PAM: variants seen among roughly 807,000 people sequenced by gnomAD.
PAM encodes peptidyl-glycine alpha-amidating monooxygenase.
PAM carries 72 observed loss-of-function variants against 122.1 expected under a neutral mutation model. The observed-to-expected ratio is 0.59, with a 90% confidence interval of 0.49 to 0.72. The LOEUF (loss-of-function observed/expected upper bound fraction) is 0.72. PAM is among the 30% of genes least tolerant of loss of function. The probability of loss-of-function intolerance (pLI) is 0.00; values close to 1 mark genes in which losing one functional copy is unlikely to be tolerated. For synonymous variants in PAM, 389 were observed against 404.4 expected (o/e 0.96, Z 0.46); for missense variants, 1,106 against 1,183.7 (o/e 0.93, Z 0.96).
chr5:102,817,134 T>G (rs946786005), intron 1 of PAM, among the ~76,000 whole-genome samples: 3 of 152,180 alleles, frequency 2.0e-5, no homozygotes, highest in African/African-American at 7.2e-5. Flanking sequence ...CCTCATTTAC[T>G]GTGAACATGT....
At chr5:102,764,364 T>G (rs1753263962) in intron 1 of PAM, among the ~76,000 whole-genome samples, 1 of 151,984 alleles carries the variant, frequency 6.6e-6, no homozygotes, top group South Asian at 2.1e-4. Flanking sequence ...TGGAGAATGA[T>G]AGCAGAGGGT....
At chr5:102,889,961 G>A (rs889337381) in intron 3 of PAM, among the ~76,000 whole-genome samples, 1 of 151,874 alleles carries the variant, frequency 6.6e-6, no homozygotes, top group African/African-American at 2.4e-5. Context: ...AGTGAAAAGA[G>A]TATTTTTATA....
At chr5:102,967,021 A>C (rs916813052) in intron 14 of PAM, among the ~76,000 whole-genome samples, 2 of 152,176 alleles carry the variant, frequency 1.3e-5, no homozygotes, top group Non-Finnish European at 2.9e-5. Context: ...GTAATCTTAA[A>C]GCATTTTTTA....
chr5:102,977,895 T>C (rs574988069), intron 15 of PAM, among the ~76,000 whole-genome samples: 2 of 152,264 alleles, frequency 1.3e-5, no homozygotes, highest in Admixed American at 1.3e-4. Flanking sequence ...AGTTTTCTCA[T>C]CTATAAAATG....
chr5:102,902,638 TA>T (rs1474155300), intron 4 of PAM, among the ~76,000 whole-genome samples: 1 of 151,512 alleles, frequency 6.6e-6, no homozygotes, highest in African/African-American at 2.4e-5. Flanking sequence ...ATCCTAGCCA[TA>T]AAGCTTTCCT....
At chr5:102,833,044 G>A (rs1161748089) in intron 1 of PAM, among the ~76,000 whole-genome samples, 1 of 152,120 alleles carries the variant, frequency 6.6e-6, no homozygotes, top group Non-Finnish European at 1.5e-5. Flanking sequence ...TAAAAATTGA[G>A]TAATTTGCCT....
At chr5:102,780,227 C>G (rs76253273) in intron 1 of PAM, among the ~76,000 whole-genome samples, 4,232 of 152,024 alleles carry the variant, frequency 0.028, 112 homozygotes, top group East Asian at 0.14. Context: ...TCAGCACTAT[C>G]CACAGTTTTA....
At chr5:102,992,122 A>G (rs150410290) in intron 16 of PAM, among the ~76,000 whole-genome samples, 2,035 of 152,254 alleles carry the variant, frequency 0.013, 18 homozygotes, top group Middle Eastern at 0.02. Context: ...ACCTAAGAGC[A>G]TTTTCTGTGG....
chr5:102,783,246 A>G (rs1419543828), intron 1 of PAM, among the ~76,000 whole-genome samples: 1 of 147,850 alleles, frequency 6.8e-6, no homozygotes, highest in African/African-American at 2.5e-5. Flanking sequence ...AAAAAAAAAA[A>G]TAGAGATGCC....
intron 1 of PAM, among the ~76,000 whole-genome samples, chr5:102,798,290 G>A (rs1763869905): frequency 6.6e-6 from 1 of 152,196 alleles, no homozygotes; most frequent in South Asian, 2.1e-4. Flanking sequence ...TTCTCGTACT[G>A]TATATATTAG....
intron 1 of PAM, among the ~76,000 whole-genome samples, chr5:102,863,399 T>C (rs1186916744): frequency 6.6e-6 from 1 of 152,172 alleles, no homozygotes; most frequent in African/African-American, 2.4e-5. Context: ...TTCCACTGAA[T>C]ACTGCTTTTA....
Position 102,967,515 on chromosome 5 carries a change from A to G in PAM, c.1162+6286A>G, listed in dbSNP as rs143043574. Among the ~76,000 whole-genome samples the G allele has an allele frequency of 7.9e-3, 1,197 of 152,326 alleles. 22 individuals carry two copies. Among genetic ancestry groups the G allele is most frequent in the African/African-American group, 0.027 (1,121 of 41,576 alleles). ...CAGAATTGCTTATTGAGTATCTGCT[A>G]GGATAGGGAAAGTACTAATCTCTGG... On this transcript the variant is annotated intron_variant, in intron 14 of 25. Transcript: ENST00000438793.
intron 15 of PAM, among the ~76,000 whole-genome samples, chr5:102,988,156 T>A (rs1268192567): frequency 6.6e-6 from 1 of 152,208 alleles, no homozygotes; most frequent in Non-Finnish European, 1.5e-5. Flanking sequence ...TTCCTGATTA[T>A]TTTACAAAAT....
At chr5:102,854,842 C>A (rs146891005) in intron 1 of PAM, among the ~76,000 whole-genome samples, 1 of 152,204 alleles carries the variant, frequency 6.6e-6, no homozygotes, top group African/African-American at 2.4e-5. Flanking sequence ...CATTTTCAGC[C>A]AGAAGAAAAT....
chr5:103,004,239 T>C lies in PAM; in HGVS notation c.1731-915T>C, dbSNP rs147211871. On this transcript the variant is annotated intron_variant, in intron 17 of 25. Coordinates refer to ENST00000438793, the MANE Select transcript of PAM (RefSeq NM_001177306.2). ...TTGAACCTGTTTCATTGGTGCTCTA[T>C]TTATTCACCAGAAGCACCCTCATTC... Among the ~76,000 whole-genome samples the C allele has an allele frequency of 1.3e-3, 201 of 152,316 alleles. 2 individuals are homozygous for C. The highest frequency in any genetic ancestry group is 4.7e-3 in the African/African-American group (197 of 41,566).
At chr5:102,955,093 G>A (rs150139582) in intron 12 of PAM, among the ~76,000 whole-genome samples, 12 of 152,004 alleles carry the variant, frequency 7.9e-5, no homozygotes, top group South Asian at 2.1e-4. Flanking sequence ...TACTATTACC[G>A]ATTTTGCCTA....
chr5:102,924,290 G>A lies in PAM; in HGVS notation c.357-667G>A, dbSNP rs544056699. Among the ~76,000 whole-genome samples, 638 of 151,846 alleles carry A rather than the reference G, an allele frequency of 4.2e-3. 14 individuals are homozygous for A. The highest frequency in any genetic ancestry group is 9.3e-4 in the Non-Finnish European group (63 of 67,926). ...CTACTAAAAATACAAAAAATTAGCC[G>A]GGCATGGTGGTGGGCACCTGTAATC... is the stretch of plus-strand genomic sequence containing the variant. On this transcript the variant is annotated intron_variant, in intron 5 of 25. Coordinates refer to ENST00000438793, the MANE Select transcript of PAM (RefSeq NM_001177306.2).
At chr5:102,787,297 A>G (rs1269547827) in intron 1 of PAM, among the ~76,000 whole-genome samples, 2 of 152,018 alleles carry the variant, frequency 1.3e-5, no homozygotes, top group African/African-American at 4.8e-5. Flanking sequence ...TGACTTGAGC[A>G]TGTTCCAGCC....
At chr5:102,802,620 T>A (rs1765081678) in intron 1 of PAM, among the ~76,000 whole-genome samples, 1 of 152,154 alleles carries the variant, frequency 6.6e-6, no homozygotes, top group Admixed American at 6.5e-5. Flanking sequence ...TTAAAAAAAC[T>A]GAGGCCCCAC....
Sources: gnomAD v4.1 joint callset for allele counts (sites outside exome capture counted in the v4.1 genomes callset) on GRCh38, gnomAD v4.1.1 for gene constraint, MANE v1.5 for transcripts, NCBI Gene and HGNC (gene_info 2026-07-23, HGNC 2026-07-21) for gene names.